PSME4: variants seen among roughly 807,000 people sequenced by gnomAD.
PSME4 encodes proteasome activator complex subunit 4.
Under a neutral mutation model 253.9 loss-of-function variants are expected in PSME4, and 89 were observed. The observed-to-expected ratio is 0.35, with a 90% CI of 0.30 to 0.42. PSME4 has a LOEUF of 0.42. PSME4 is among the 10% of genes least tolerant of loss of function. The probability of loss-of-function intolerance (pLI) is 1.00; values close to 1 mark genes in which losing one functional copy is unlikely to be tolerated. For missense variants in PSME4, 2,014 were observed against 2,195.2 expected (o/e 0.92, Z 1.65); for synonymous variants, 851 against 759.2 (o/e 1.12, Z -1.99).
chr2:53,920,846 AAATC>A (rs1280069973), intron 18 of PSME4, 39 bp downstream of exon 18: 1 of 1,495,594 alleles, frequency 6.7e-7, no homozygotes, highest in Admixed American at 1.9e-5. Context: ...TTAAAACAAA[AAATC>A]AACATATTCT....
intron 19 of PSME4, among the ~76,000 whole-genome samples, chr2:53,919,485 C>A (rs970076863): frequency 6.6e-6 from 1 of 152,144 alleles, no homozygotes; most frequent in South Asian, 2.1e-4. Flanking sequence ...TAATTAACTG[C>A]CCTTTGTGAA....
intron 34 of PSME4, among the ~76,000 whole-genome samples, chr2:53,894,757 G>C (rs1037252622): frequency 1.3e-5 from 2 of 152,152 alleles, no homozygotes; most frequent in Admixed American, 6.5e-5. Flanking sequence ...ATTACATAAA[G>C]CAGTAGCCAA....
chr2:53,950,835 C>A (rs1235393081), intron 1 of PSME4, among the ~76,000 whole-genome samples: 1 of 145,744 alleles, frequency 6.9e-6, no homozygotes, highest in African/African-American at 2.5e-5. Context: ...GAGAGAAACT[C>A]CGTCTCAAAA....
chr2:53,936,940 G>A (rs1669152806), intron 5 of PSME4, 113 bp from the exon 6 acceptor site: 5 of 680,468 alleles, frequency 7.3e-6, no homozygotes, highest in Non-Finnish European at 9.9e-6. Context: ...ACGTTAACTA[G>A]AAAAAACAAT....
In PSME4 at chr2:53,922,531, G is replaced by A; in HGVS notation, c.2032C>T (p.Gln678Ter). ...ELDKELLWNLQLLSEITRVDG... is the reference protein window; with the variant it reads ...ELDKELLWNL ...ATTTACAATACCTCAGACAAAAGTT[G>A]AAGATTCCATAGTAATTCCTTGTCT... Residue 678 changes from glutamine (Q) to a stop codon, truncating the protein, a stop_gained, in exon 17 of 47, where the codon CAA (glutamine) becomes TAA (stop). Coordinates refer to ENST00000404125, the MANE Select transcript of PSME4 (RefSeq NM_014614.3). LOFTEE classifies it high-confidence loss of function. The A allele has an allele frequency of 6.2e-7, 1 of 1,612,440 alleles. No homozygotes were observed. Among genetic ancestry groups the A allele is most frequent in the Non-Finnish European group, 8.5e-7 (1 of 1,179,410 alleles).
At chr2:53,912,411 C>A (rs967275528) in intron 20 of PSME4, among the ~76,000 whole-genome samples, 1 of 152,168 alleles carries the variant, frequency 6.6e-6, no homozygotes, top group African/African-American at 2.4e-5. Flanking sequence ...CACAAATTAA[C>A]TGGATTAACA....
chr2:53,964,778 T>C (rs968560062), intron 1 of PSME4, among the ~76,000 whole-genome samples: 3 of 152,194 alleles, frequency 2.0e-5, no homozygotes, highest in African/African-American at 7.2e-5. Flanking sequence ...GTTTGTGTAT[T>C]TGATAACTCA....
rs371238230 is a variant in PSME4, at chr2:53,890,158, G to A, written c.4242C>T (p.Ser1414=). Residue 1414 remains serine (S), a synonymous_variant, in exon 37 of 47, where the codon TCC becomes TCT. Transcript: ENST00000404125. ...LLCPLLRTAL[S]NITVETYNDW... ...CATTATAAGTTTCTACGGTAATATT[G>A]GACAGTGCTGTTCTAAGCAGAGGGC... 8.9e-5 allele frequency: 144 copies of A among 1,613,742 alleles called. No individual in the cohort carries two copies. Among genetic ancestry groups the A allele is most frequent in the Non-Finnish European group, 1.1e-4 (132 of 1,179,916 alleles).
intron 1 of PSME4, among the ~76,000 whole-genome samples, chr2:53,965,957 C>G (rs1670715235): frequency 6.6e-6 from 1 of 152,150 alleles, no homozygotes; most frequent in Admixed American, 6.5e-5. Flanking sequence ...CAGGCGTGAG[C>G]CGCCACGCCC....
At chr2:53,880,516 T>G (rs1679333687) in intron 41 of PSME4, among the ~76,000 whole-genome samples, 2 of 152,158 alleles carry the variant, frequency 1.3e-5, no homozygotes, top group Admixed American at 1.3e-4. Flanking sequence ...TGCAAGATAC[T>G]TAAGAAGAGC....
chr2:53,969,884 A>G (rs1201400758), intron 1 of PSME4, among the ~76,000 whole-genome samples: 30 of 152,194 alleles, frequency 2.0e-4, no homozygotes, highest in Non-Finnish European at 5.9e-5. Context: ...GTCTCTCCAA[A>G]AGAAATGTCA....
At chr2:53,927,039 A>C (rs1302304633) in intron 12 of PSME4, among the ~76,000 whole-genome samples, 1 of 151,384 alleles carries the variant, frequency 6.6e-6, no homozygotes, top group Non-Finnish European at 1.5e-5. Context: ...TGAATGAAGA[A>C]AATCTTTCTT....
At chr2:53,916,120 G>A (rs1668050768) in intron 20 of PSME4, among the ~76,000 whole-genome samples, 1 of 151,640 alleles carries the variant, frequency 6.6e-6, no homozygotes, top group South Asian at 2.1e-4. Flanking sequence ...GGGGGCGGAT[G>A]CCTGTAATCC....
intron 10 of PSME4, 79 bp from the exon 11 acceptor site, chr2:53,928,382 C>T (rs1358303031): frequency 4.4e-6 from 5 of 1,133,726 alleles, no homozygotes; most frequent in Non-Finnish European, 6.1e-6. Context: ...ATAATAAATT[C>T]ATAAACTGCA....
In PSME4 at chr2:53,936,262, T is replaced by A. The variant is rs759688856; in HGVS notation, c.760-101A>T. The A allele has an allele frequency of 1.8e-5, 27 of 1,516,108 alleles. No individual in the cohort carries two copies. In the Admixed American group the frequency reaches 2.0e-4, roughly 11 times the overall value. 93.9% of individuals were successfully genotyped at this position (1,516,108 alleles called of 1,614,324 possible). ...ATTTGTTCTTTTTGGCAATCATTAG[T>A]GCAATCTACTTAAATAGATAGTTTA... On this transcript the variant is annotated intron_variant, in intron 6 of 46. Coordinates refer to ENST00000404125, the MANE Select transcript of PSME4 (RefSeq NM_014614.3).
Position 53,908,773 on chromosome 2 carries a change from G to C in PSME4, c.2629+11C>G. 6.3e-7 allele frequency: 1 copy of C among 1,578,760 alleles called. No homozygotes were observed. The highest frequency in any genetic ancestry group is 8.7e-7 in the Non-Finnish European group (1 of 1,152,726). ...AAAGTACAAATAAGTTAAATGTACA[G>C]ATACACTTACTAAGAAGTTTCCTTA... On this transcript the variant is annotated intron_variant, in intron 22 of 46. Coordinates refer to ENST00000404125, the MANE Select transcript of PSME4 (RefSeq NM_014614.3).
At chr2:53,968,374 T>C (rs967389545) in intron 1 of PSME4, among the ~76,000 whole-genome samples, 9 of 152,098 alleles carry the variant, frequency 5.9e-5, no homozygotes, top group African/African-American at 2.2e-4. Context: ...GTCTCAGAGC[T>C]AGTGGGAGAA....
At chr2:53,954,852 C>CAAT (rs898789413) in intron 1 of PSME4, among the ~76,000 whole-genome samples, 1 of 148,954 alleles carries the variant, frequency 6.7e-6, no homozygotes, top group South Asian at 2.2e-4. Flanking sequence ...AAAAAAATAA[C>CAAT]AATAATAATA....
intron 14 of PSME4, among the ~76,000 whole-genome samples, 176 bp from the exon 15 acceptor site, chr2:53,923,595 C>A (rs545143541): frequency 6.6e-6 from 1 of 152,098 alleles, no homozygotes; most frequent in Non-Finnish European, 1.5e-5. Context: ...GGTCTAAGAA[C>A]AATCTTTGCC....
Sources: gnomAD v4.1 joint callset for allele counts (sites outside exome capture counted in the v4.1 genomes callset) on GRCh38, gnomAD v4.1.1 for gene constraint, MANE v1.5 for transcripts, NCBI Gene and HGNC (gene_info 2026-07-23, HGNC 2026-07-21) for gene names.